The following CDH13 variants were observed in gnomAD, a reference collection of about 807,000 sequenced individuals.
CDH13 encodes the protein cadherin 13.
Under a neutral mutation model 63.8 loss-of-function variants are expected in CDH13, and 24 were observed. That is an observed-to-expected ratio of 0.38 (90% CI 0.27 to 0.53). The LOEUF (loss-of-function observed/expected upper bound fraction) is 0.53, where lower values mean the gene tolerates loss of function less well. CDH13 is among the 20% of genes least tolerant of loss of function. The pLI is 0.85. For missense variants in CDH13, 1,049 were observed against 903.1 expected, an observed-to-expected ratio of 1.16 and a Z score of -2.07; for synonymous variants, 503 against 355.3, an observed-to-expected ratio of 1.42 and a Z score of -4.67.
At chr16:83,302,041 C>T (rs74486962) in intron 5 of CDH13, among the ~76,000 whole-genome samples, 5,597 of 151,864 alleles carry the variant, frequency 0.037, 134 homozygotes, top group Non-Finnish European at 0.055. Flanking sequence ...CATTCCTTAC[C>T]TTTCTTACCT....
At position 83,795,809 on chromosome 16, in the gene CDH13, C is replaced by T. The variant is rs1904278067; in HGVS notation, c.*779C>T. On this transcript the variant is annotated 3_prime_UTR_variant, in exon 14 of 14. Transcript: ENST00000567109. ...AAGGGCTGACATTTTCTTTCATGGG[C>T]ACCAACCTGCATTTGTATGTGTCCC... is the stretch of plus-strand genomic sequence containing the variant. 1 of 152,622 alleles carries T rather than the reference C, an allele frequency of 6.6e-6. No individual in the cohort carries two copies. The highest frequency in any genetic ancestry group is 2.4e-5 in the African/African-American group (1 of 41,440). The allele number at this position is 152,622 out of a possible 1,614,324, so 9.5% of individuals were successfully genotyped here.
At chr16:83,426,740 C>T (rs764799555) in intron 6 of CDH13, among the ~76,000 whole-genome samples, 1 of 151,890 alleles carries the variant, frequency 6.6e-6, no homozygotes, top group Non-Finnish European at 1.5e-5. Context: ...TCCCTAAGCC[C>T]TTAGTGATTA....
Position 82,705,469 on chromosome 16 carries a change from G to A in CDH13, c.45+78332G>A, listed in dbSNP as rs538078232. On this transcript the variant is annotated intron_variant, in intron 1 of 13. Coordinates refer to ENST00000567109, the MANE Select transcript of CDH13 (RefSeq NM_001257.5). ...GAAATTAGCTCGGCTTCCTGCATCC[G>A]TCCCCATCTGAATCTTTACTCAACT... 2.4e-4 allele frequency among the ~76,000 whole-genome samples: 37 copies of A among 152,274 alleles called. 1 individual carries two copies. In the South Asian group the frequency reaches 4.8e-3, roughly 20 times the overall value.
intron 11 of CDH13, among the ~76,000 whole-genome samples, chr16:83,774,863 G>T (rs1044713124): frequency 6.6e-6 from 1 of 152,106 alleles, no homozygotes; most frequent in African/African-American, 2.4e-5. Flanking sequence ...GAATGGTGGT[G>T]ATGTTCCCAC....
intron 7 of CDH13, among the ~76,000 whole-genome samples, chr16:83,571,401 C>G (rs1904608026): frequency 6.6e-6 from 1 of 151,954 alleles, no homozygotes; most frequent in Non-Finnish European, 1.5e-5. Context: ...GTTTTTACTT[C>G]TTTAAAAGAA....
At chr16:82,981,869 C>T (rs75256746) in intron 2 of CDH13, among the ~76,000 whole-genome samples, 2,832 of 152,282 alleles carry the variant, frequency 0.019, 36 homozygotes, top group South Asian at 0.025. Context: ...GCTTCTCAAT[C>T]TCTGCAGCTT....
intron 10 of CDH13, among the ~76,000 whole-genome samples, chr16:83,689,217 A>G (rs1006150402): frequency 6.6e-6 from 1 of 152,196 alleles, no homozygotes; most frequent in Non-Finnish European, 1.5e-5. Flanking sequence ...CAGAACCAAT[A>G]TAGAAAATAT....
chr16:83,413,104 T>A (rs918714676), intron 6 of CDH13, among the ~76,000 whole-genome samples: 1 of 152,224 alleles, frequency 6.6e-6, no homozygotes, highest in Admixed American at 6.5e-5. Flanking sequence ...GGTAATGCCA[T>A]TTCACAGTCT....
At chr16:83,586,574 C>T (rs375917851) in intron 7 of CDH13, among the ~76,000 whole-genome samples, 1 of 152,262 alleles carries the variant, frequency 6.6e-6, no homozygotes, top group East Asian at 1.9e-4. Flanking sequence ...GCTCTGCTAA[C>T]GATCCAGGCT....
intron 1 of CDH13, among the ~76,000 whole-genome samples, chr16:82,643,563 C>T (rs1909685686): frequency 6.6e-6 from 1 of 152,196 alleles, no homozygotes; most frequent in Admixed American, 6.5e-5. Context: ...TTATTTGGAA[C>T]TGCAGGTCAC....
At chr16:83,330,623 G>T (rs150441688) in intron 5 of CDH13, among the ~76,000 whole-genome samples, 14 of 152,304 alleles carry the variant, frequency 9.2e-5, no homozygotes, top group African/African-American at 3.4e-4. Context: ...GGCAGGGAAT[G>T]AGAGCCAGAA....
At chr16:82,776,300 G>T (rs1489120466) in intron 1 of CDH13, among the ~76,000 whole-genome samples, 1 of 151,018 alleles carries the variant, frequency 6.6e-6, no homozygotes, top group African/African-American at 2.4e-5. Flanking sequence ...AAGGAAAGAA[G>T]GAGAGAAAAG....
intron 6 of CDH13, among the ~76,000 whole-genome samples, chr16:83,427,892 T>C (rs2071961576): frequency 6.6e-6 from 1 of 152,256 alleles, no homozygotes; most frequent in Non-Finnish European, 1.5e-5. Flanking sequence ...AAGATGTTCC[T>C]TGGACCCAGG....
intron 7 of CDH13, among the ~76,000 whole-genome samples, chr16:83,557,529 G>A (rs75626494): frequency 0.038 from 5,753 of 152,140 alleles, 151 homozygotes; most frequent in Non-Finnish European, 0.056. Flanking sequence ...TGAAGCAAAC[G>A]AAGCTCTCTG....
At chr16:83,476,016 A>G (rs1451742617) in intron 6 of CDH13, among the ~76,000 whole-genome samples, 1 of 152,254 alleles carries the variant, frequency 6.6e-6, no homozygotes, top group African/African-American at 2.4e-5. Flanking sequence ...TTAAGTATCA[A>G]TTATTTACCT....
At chr16:83,036,978 G>A (rs1916918272) in intron 3 of CDH13, among the ~76,000 whole-genome samples, 1 of 152,148 alleles carries the variant, frequency 6.6e-6, no homozygotes. Context: ...GATGGAGACA[G>A]CATCTGAAGA....
intron 6 of CDH13, among the ~76,000 whole-genome samples, chr16:83,414,889 A>G (rs1567656610): frequency 6.6e-6 from 1 of 152,156 alleles, no homozygotes; most frequent in Non-Finnish European, 1.5e-5. Flanking sequence ...GCTCTCCAGT[A>G]ATATCTTCAA....
chr16:83,461,056 G>T (rs2073168062), intron 6 of CDH13, among the ~76,000 whole-genome samples: 1 of 151,172 alleles, frequency 6.6e-6, no homozygotes, highest in Non-Finnish European at 1.5e-5. Flanking sequence ...TTCCTAAGAG[G>T]AAAGGTAGCA....
intron 9 of CDH13, among the ~76,000 whole-genome samples, chr16:83,673,817 G>T (rs1271342229): frequency 6.6e-6 from 1 of 152,222 alleles, no homozygotes; most frequent in African/African-American, 2.4e-5. Context: ...ACTTGTCAAG[G>T]GGCATGGCCT....
Sources: gnomAD v4.1 joint callset for allele counts (sites outside exome capture counted in the v4.1 genomes callset) on GRCh38, gnomAD v4.1.1 for gene constraint, MANE v1.5 for transcripts, NCBI Gene and HGNC (gene_info 2026-07-23, HGNC 2026-07-21) for gene names.